Variants in THBS4 observed in about 807,000 individuals in gnomAD.
The protein encoded by THBS4 is thrombospondin-4.
A neutral mutation model predicts 115.7 loss-of-function variants in THBS4; 90 were observed. The ratio of observed to expected loss-of-function variants is 0.78; its 90% CI spans 0.66 to 0.93. THBS4 has a LOEUF of 0.93. Ranked by LOEUF, THBS4 falls within the 40% of genes least tolerant of loss-of-function variation. The pLI, the probability that THBS4 is intolerant of heterozygous loss-of-function variation, is 0.00. For synonymous variants in THBS4, 460 were observed against 479.3 expected (o/e 0.96, Z 0.53); for missense variants, 1,087 against 1,232.7 (o/e 0.88, Z 1.77).
At chr5:80,041,134 A>G (rs929607012) in intron 2 of THBS4, among the ~76,000 whole-genome samples, 1 of 152,152 alleles carries the variant, frequency 6.6e-6, no homozygotes, top group African/African-American at 2.4e-5. Flanking sequence ...CAGACATACC[A>G]TATCCAAACC....
intron 2 of THBS4, among the ~76,000 whole-genome samples, chr5:80,012,767 C>G (rs1327106403): frequency 2.0e-5 from 3 of 152,216 alleles, no homozygotes; most frequent in Non-Finnish European, 2.9e-5. Flanking sequence ...CTCATCCCAT[C>G]TGCAAAGTAT....
chr5:80,069,857 G>T (rs925205526), intron 10 of THBS4, among the ~76,000 whole-genome samples: 1 of 152,180 alleles, frequency 6.6e-6, no homozygotes, highest in Non-Finnish European at 1.5e-5. Context: ...GGAAGTCACT[G>T]GTCTGAAAGC....
At chr5:80,057,472 G>A (rs1281815706) in intron 3 of THBS4, among the ~76,000 whole-genome samples, 1 of 152,182 alleles carries the variant, frequency 6.6e-6, no homozygotes, top group African/African-American at 2.4e-5. Flanking sequence ...ATAGTCTGAT[G>A]TCCAATACAA....
At chr5:80,021,225 C>T (rs912070087) in intron 2 of THBS4, among the ~76,000 whole-genome samples, 18 of 152,176 alleles carry the variant, frequency 1.2e-4, no homozygotes, top group Non-Finnish European at 2.1e-4. Flanking sequence ...CTCCCTCCAA[C>T]TGCAAGTCCA....
intron 20 of THBS4, among the ~76,000 whole-genome samples, chr5:80,081,453 A>G (rs1487769626): frequency 6.6e-6 from 1 of 152,222 alleles, no homozygotes; most frequent in African/African-American, 2.4e-5. Context: ...ATTTATAACA[A>G]AATAATTTAA....
At chr5:80,076,627 T>C (rs1166965596) in intron 15 of THBS4, among the ~76,000 whole-genome samples, 1 of 152,170 alleles carries the variant, frequency 6.6e-6, no homozygotes, top group African/African-American at 2.4e-5. Flanking sequence ...TAGACCCTTA[T>C]CTTCTTTAGT....
rs764061450 is a variant in THBS4, at chr5:80,058,229, G to T, written c.564G>T (p.Leu188=). The change falls in exon 4 of 22, where the codon CTG becomes CTT. Residue 188 remains leucine (L), a synonymous_variant. Transcript: ENST00000350881. ...AGGACTTCTTGGAAGAGCTGAAGCT[G>T]GTGGTGAGAGGCTCACTGTTCCAGG... The part of the protein sequence containing the change: ...KPQDFLEELK[L]VVRGSLFQVA... 1 of 1,576,898 alleles carries T rather than the reference G, an allele frequency of 6.3e-7. No homozygotes were observed. The highest frequency in any genetic ancestry group is 1.2e-5 in the South Asian group (1 of 85,912).
At position 80,058,143 on chromosome 5, in the gene THBS4, A is replaced by G. The variant is rs540341881; in HGVS notation, c.541-63A>G. 2.3e-4 allele frequency: 295 copies of G among 1,267,374 alleles called. 3 individuals carry two copies. The South Asian group carries it at 3.7e-3, about 16-fold the overall frequency. 78.5% of individuals were successfully genotyped at this position (1,267,374 alleles called of 1,614,324 possible). ...ACTTGATTATGAAAATTGCGTGAGT[A>G]GGCAAGCACATTGGCTTTTGAACAG... On this transcript the variant is annotated intron_variant, in intron 3 of 21. Coordinates refer to ENST00000350881, the MANE Select transcript of THBS4 (RefSeq NM_003248.6).
At position 80,042,539 on chromosome 5, in the gene THBS4, G is replaced by A. The variant is rs1832936089; in HGVS notation, c.292+2259G>A. Reference sequence around the variant, plus strand: ...GAAAGTCTGTTGCTGGGAAACACAAGGAAGCAACTTCCCCTGAACGGATCC... The same window carrying A: ...GAAAGTCTGTTGCTGGGAAACACAAAGAAGCAACTTCCCCTGAACGGATCC... On this transcript the variant is annotated intron_variant, in intron 2 of 21. Transcript: ENST00000350881. Among the ~76,000 whole-genome samples the A allele has an allele frequency of 3.3e-5, 5 of 152,320 alleles. No homozygotes were observed. The South Asian group carries it at 1.0e-3, about 32-fold the overall frequency.
chr5:80,028,269 C>T (rs1164939185), intron 2 of THBS4, among the ~76,000 whole-genome samples: 1 of 152,098 alleles, frequency 6.6e-6, no homozygotes, highest in Non-Finnish European at 1.5e-5. Context: ...CATCCTCACT[C>T]CTCAAATAGC....
intron 1 of THBS4, among the ~76,000 whole-genome samples, chr5:79,997,368 A>T (rs536751334): frequency 1.2e-4 from 18 of 152,266 alleles, no homozygotes; most frequent in African/African-American, 4.1e-4. Flanking sequence ...TGATCAGGAA[A>T]AAAAAAGTAG....
chr5:80,022,110 C>T (rs1341168118), intron 2 of THBS4, among the ~76,000 whole-genome samples: 1 of 152,142 alleles, frequency 6.6e-6, no homozygotes, highest in Admixed American at 6.5e-5. Flanking sequence ...ATCTCTTCAA[C>T]CCATTATGCT....
At chr5:80,079,332 C>A in intron 19 of THBS4, 74 bp downstream of exon 19, 2 of 1,459,490 alleles carry the variant, frequency 1.4e-6, no homozygotes, top group South Asian at 2.8e-5. Flanking sequence ...TGTGTTTTCC[C>A]ATGTGGTACT....
intron 7 of THBS4, among the ~76,000 whole-genome samples, chr5:80,060,568 C>T (rs1358231230): frequency 3.3e-5 from 5 of 152,004 alleles, no homozygotes; most frequent in African/African-American, 1.2e-4. Flanking sequence ...GAGACCAGCC[C>T]GGGCAACAAG....
rs551914907 is a variant in THBS4, at chr5:80,007,100, A to C, written n.177+8673A>C. ...GTCTCAGAAGGAGCAGAGACAAGGA[A>C]GAGTCAATGATGCCCAGTGAACAAT... On this transcript the variant is annotated intron_variant and non_coding_transcript_variant, in intron 2 of 3. Transcript: ENST00000510218. Among the ~76,000 whole-genome samples the C allele has an allele frequency of 4.6e-5, 7 of 152,298 alleles. No homozygotes were observed. In the East Asian group the frequency reaches 1.4e-3, roughly 29 times the overall value.
intron 2 of THBS4, among the ~76,000 whole-genome samples, chr5:80,046,594 A>G (rs1288515686): frequency 2.0e-5 from 3 of 152,214 alleles, no homozygotes; most frequent in African/African-American, 7.2e-5. Flanking sequence ...AGAATAAATC[A>G]TGCCAAACTT....
At chr5:80,082,119 G>A in intron 20 of THBS4, 1 of 350,440 alleles carries the variant, frequency 2.9e-6, no homozygotes, top group Non-Finnish European at 5.1e-6. Context: ...GTTTGATAGT[G>A]TGACCAACAT....
chr5:80,057,951 G>C (rs1177915798), intron 3 of THBS4, among the ~76,000 whole-genome samples: 3 of 152,202 alleles, frequency 2.0e-5, no homozygotes, highest in Non-Finnish European at 4.4e-5. Flanking sequence ...TGTAGGAAAA[G>C]AGCCTTTCGT....
intron 2 of THBS4, among the ~76,000 whole-genome samples, chr5:80,046,866 G>A (rs79731163): frequency 1.2e-4 from 19 of 152,162 alleles, no homozygotes; most frequent in Admixed American, 1.0e-3. Flanking sequence ...GCATTTTATC[G>A]TGTTTGCAAT....
Sources: gnomAD v4.1 joint callset for allele counts (sites outside exome capture counted in the v4.1 genomes callset) on GRCh38, gnomAD v4.1.1 for gene constraint, MANE v1.5 for transcripts, NCBI Gene and HGNC (gene_info 2026-07-23, HGNC 2026-07-21) for gene names.